The following ZNF577 variants were observed in gnomAD, a reference collection of about 807,000 sequenced individuals.
ZNF577 encodes zinc finger protein 577.
A neutral mutation model predicts 13.9 loss-of-function variants in ZNF577; 14 were observed. The ratio of observed to expected loss-of-function variants is 1.00; its 90% confidence interval spans 0.66 to 1.57. The LOEUF (loss-of-function observed/expected upper bound fraction) is 1.57. Ranked by LOEUF, ZNF577 falls within the 40% of genes most tolerant of loss-of-function variation. The pLI, the probability that ZNF577 is intolerant of heterozygous loss-of-function variation, is 0.00. For missense variants in ZNF577, 555 were observed against 579.2 expected (o/e 0.96, Z 0.43); for synonymous variants, 203 against 202.9 (o/e 1.00, Z 0.00).
intron 9 of ZNF577, among the ~76,000 whole-genome samples, chr19:51,826,634 G>A (rs1192379135): frequency 6.6e-6 from 1 of 152,218 alleles, no homozygotes; most frequent in Non-Finnish European, 1.5e-5. Context: ...TACTGAGACT[G>A]TAGTATTGCA....
chr19:51,824,486 G>T lies in ZNF577; in HGVS notation c.*600-12812C>A. On this transcript the variant is annotated intron_variant and NMD_transcript_variant, in intron 9 of 10. Coordinates refer to the ZNF577 transcript ENST00000638827. The surrounding 1 kb of genome is among the most constrained non-coding windows in gnomAD (Gnocchi z 4.7). ...GTCCCTTACGTGTCTTCGCTGCTGT[G>T]GTGGCTTCTTTCTTCATCTGTTGGT... 6.2e-7 allele frequency: 1 copy of T among 1,613,960 alleles called. No individual in the cohort carries two copies. Among genetic ancestry groups the T allele is most frequent in the Non-Finnish European group, 8.5e-7 (1 of 1,179,980 alleles).
At chr19:51,813,119 AACACACACACACACACACAC>A (rs35245083) in intron 9 of ZNF577, among the ~76,000 whole-genome samples, 1 of 137,122 alleles carries the variant, frequency 7.3e-6, no homozygotes, top group Non-Finnish European at 1.6e-5. Context: ...GCTCTGTCTC[AACACACACACACACACACAC>A]ACACACACAC....
intron 5 of ZNF577, among the ~76,000 whole-genome samples, chr19:51,856,998 C>T (rs1311401719): frequency 6.6e-6 from 1 of 152,078 alleles, no homozygotes; most frequent in Non-Finnish European, 1.5e-5. Context: ...ACCATGAGTC[C>T]ATGAAGACAA....
chr19:51,885,010 T>G (rs1187088454), intron 1 of ZNF577, among the ~76,000 whole-genome samples: 1 of 152,252 alleles, frequency 6.6e-6, no homozygotes, highest in Non-Finnish European at 1.5e-5. Context: ...GTTTTAATCA[T>G]TTGAAATGTA....
intron 5 of ZNF577, 128 bp downstream of exon 5, chr19:51,877,154 G>GA: frequency 1.5e-6 from 1 of 686,434 alleles, no homozygotes; most frequent in South Asian, 1.9e-5. Flanking sequence ...CAGAAAGGCT[G>GA]ATTAGGTTTC....
At chr19:51,845,322 G>A (rs531735191) in intron 5 of ZNF577, among the ~76,000 whole-genome samples, 5 of 151,898 alleles carry the variant, frequency 3.3e-5, no homozygotes, top group East Asian at 1.9e-4. Context: ...GGAGAAACCC[G>A]GTCACTACTA....
At chr19:51,878,300 CTTT>C in intron 4 of ZNF577, 86 bp downstream of exon 4, 1 of 1,359,254 alleles carries the variant, frequency 7.4e-7, no homozygotes, top group Admixed American at 2.3e-5. Context: ...ACATATAATA[CTTT>C]AGTCTAAACC....
intron 5 of ZNF577, among the ~76,000 whole-genome samples, chr19:51,854,932 T>A (rs982860825): frequency 2.6e-5 from 4 of 152,218 alleles, no homozygotes; most frequent in Non-Finnish European, 4.4e-5. Context: ...TCAAATCTGC[T>A]GCTGAGACCT....
At chr19:51,857,365 G>GGAAAAAAA (rs1555745842) in intron 5 of ZNF577, among the ~76,000 whole-genome samples, 2 of 93,296 alleles carry the variant, frequency 2.1e-5, no homozygotes, top group African/African-American at 4.8e-5. Flanking sequence ...AAAGAAGGAA[G>GGAAAAAAA]GAAAGAAAGA....
In ZNF577 at chr19:51,869,552, C is replaced by T. The variant is rs1307541291; in HGVS notation, c.*2980G>A. Among the ~76,000 whole-genome samples the T allele has an allele frequency of 6.6e-6, 1 of 152,080 alleles. No individual in the cohort carries two copies. Among genetic ancestry groups the T allele is most frequent in the Non-Finnish European group, 1.5e-5 (1 of 68,020 alleles). On this transcript the variant is annotated 3_prime_UTR_variant, in exon 6 of 6. Transcript: ENST00000638348. Reference sequence around the variant, plus strand: ...GGGAACTCAGAGACCAGTGCCGGTGCGGGTCCTCCATATGCTGAGCACCGG... The same window carrying T: ...GGGAACTCAGAGACCAGTGCCGGTGTGGGTCCTCCATATGCTGAGCACCGG...
chr19:51,839,429 C>T (rs1457426424), intron 9 of ZNF577, among the ~76,000 whole-genome samples: 1 of 152,078 alleles, frequency 6.6e-6, no homozygotes, highest in African/African-American at 2.4e-5. Context: ...GAAGAAATTA[C>T]ACACACATAC....
At chr19:51,831,891 AT>A (rs1417409327) in intron 9 of ZNF577, among the ~76,000 whole-genome samples, 2 of 152,176 alleles carry the variant, frequency 1.3e-5, no homozygotes, top group Non-Finnish European at 2.9e-5. Context: ...TGCTTGGAAT[AT>A]TCTTCCTCTT....
In ZNF577 at chr19:51,832,861, G is replaced by A. The variant is rs868768215; in HGVS notation, c.*599+7032C>T. On this transcript the variant is annotated intron_variant and NMD_transcript_variant, in intron 9 of 10. Coordinates refer to the ZNF577 transcript ENST00000638827. ...CAATATTGTGTGTGGATCTATTTCC[G>A]GACTCTATTGTGTTCCATTGGTCTG... Among the ~76,000 whole-genome samples the A allele has an allele frequency of 5.3e-5, 8 of 151,490 alleles. 1 individual carries two copies. The Middle Eastern group carries it at 0.01, about 196-fold the overall frequency.
chr19:51,812,235 A>C (rs1450788034), intron 9 of ZNF577, among the ~76,000 whole-genome samples: 1 of 152,230 alleles, frequency 6.6e-6, no homozygotes, highest in Non-Finnish European at 1.5e-5. Flanking sequence ...ATATGGCCCA[A>C]CGTAGGGTGA....
chr19:51,853,539 G>A (rs1421363899), intron 5 of ZNF577, among the ~76,000 whole-genome samples: 1 of 152,098 alleles, frequency 6.6e-6, no homozygotes, highest in East Asian at 1.9e-4. Flanking sequence ...AGAGGATTTT[G>A]GTCAATTGGA....
At chr19:51,861,239 C>T in intron 5 of ZNF577, 1 of 260,000 alleles carries the variant, frequency 3.8e-6, no homozygotes, top group South Asian at 3.7e-5. Flanking sequence ...CTGCCTCAGC[C>T]TCCTGAGTAG....
At chr19:51,865,626 G>A (rs141218151), downstream of ZNF577, among the ~76,000 whole-genome samples, 56 of 152,254 alleles carry the variant, frequency 3.7e-4, no homozygotes, top group Non-Finnish European at 6.9e-4. Flanking sequence ...TCTTTGAAAC[G>A]CCAAACAAAA....
intron 9 of ZNF577, among the ~76,000 whole-genome samples, chr19:51,836,293 T>A (rs1215254719): frequency 6.6e-6 from 1 of 152,228 alleles, no homozygotes; most frequent in Non-Finnish European, 1.5e-5. Context: ...TTGCCTTTAT[T>A]GTCAGACACT....
intron 5 of ZNF577, among the ~76,000 whole-genome samples, chr19:51,876,168 G>A (rs1049248016): frequency 6.6e-6 from 1 of 152,184 alleles, no homozygotes; most frequent in African/African-American, 2.4e-5. Context: ...CAGAAAAGGA[G>A]ATATCTGCAT....
Sources: allele counts gnomAD v4.1 joint callset (sites outside exome capture counted in the v4.1 genomes callset), GRCh38; gene constraint gnomAD v4.1.1; non-coding constraint Gnocchi (gnomAD v3.1); transcripts MANE v1.5; gene names NCBI Gene and HGNC (gene_info 2026-07-23, HGNC 2026-07-21).